Variants in SPOPL observed in about 807,000 individuals in gnomAD.
The protein encoded by SPOPL is speckle type BTB/POZ protein like.
In SPOPL, 23 loss-of-function variants were observed where a neutral mutation model predicts 53.8. The ratio of observed to expected loss-of-function variants is 0.43; its 90% CI spans 0.31 to 0.61. The LOEUF is 0.61. Ranked by LOEUF, SPOPL falls within the 20% of genes least tolerant of loss-of-function variation. The pLI is 0.12. For synonymous variants in SPOPL, 164 were observed against 149.7 expected (o/e 1.10, Z -0.70); for missense variants, 442 against 466.9 (o/e 0.95, Z 0.49).
At chr2:138,525,663 A>AAAAAACC (rs1553468795) in intron 1 of SPOPL, among the ~76,000 whole-genome samples, 7 of 130,482 alleles carry the variant, frequency 5.4e-5, no homozygotes, top group Admixed American at 2.6e-4. Flanking sequence ...GTAGAAAAAA[A>AAAAAACC]AAAAAAAAAA....
intron 1 of SPOPL, among the ~76,000 whole-genome samples, chr2:138,519,773 C>T (rs997318247): frequency 2.6e-5 from 4 of 151,962 alleles, no homozygotes; most frequent in South Asian, 2.1e-4. Context: ...GCCTGAGTGA[C>T]GGAGTGAGAC....
rs1000743792 is a variant in SPOPL at position 138,571,785 on chromosome 2, T to A, written c.*2705T>A. 6.5e-6 allele frequency: 1 copy of A among 152,738 alleles called. No individual in the cohort carries two copies. Among genetic ancestry groups the A allele is most frequent in the Non-Finnish European group, 1.5e-5 (1 of 68,008 alleles). The allele number at this position is 152,738 out of a possible 1,614,324, so 9.5% of individuals were successfully genotyped here. A position where few individuals can be genotyped will look rare whatever the true frequency, so the allele number is the denominator to read the frequency against. ...GTAGTGAATGGTTTCAAATGTTGCA[T>A]ACTATAAGAATAATCATTGGGTAAC... On this transcript the variant is annotated 3_prime_UTR_variant, in exon 11 of 11. Transcript: ENST00000280098.
intron 1 of SPOPL, among the ~76,000 whole-genome samples, chr2:138,533,678 TTA>T (rs1173475939): frequency 6.6e-6 from 1 of 152,138 alleles, no homozygotes; most frequent in African/African-American, 2.4e-5. Flanking sequence ...CTGTTGAACA[TTA>T]TATGTTATAT....
At chr2:138,504,670 A>G (rs1020775356) in intron 1 of SPOPL, among the ~76,000 whole-genome samples, 1 of 152,208 alleles carries the variant, frequency 6.6e-6, no homozygotes. Flanking sequence ...GCTCTGAGGC[A>G]TCTAAGCTAT....
intron 3 of SPOPL, 107 bp downstream of exon 3, chr2:138,550,711 A>T (rs555024502): frequency 6.8e-7 from 1 of 1,473,574 alleles, no homozygotes; most frequent in East Asian, 2.3e-5. Flanking sequence ...ATGTAATTTC[A>T]TATTAGATTG....
At chr2:138,524,834 T>C (rs2104867335) in intron 1 of SPOPL, among the ~76,000 whole-genome samples, 1 of 152,258 alleles carries the variant, frequency 6.6e-6, no homozygotes, top group Middle Eastern at 3.4e-3. Flanking sequence ...TCAACATGTC[T>C]CTAGGGAATT....
At chr2:138,504,248 A>T (rs1684166934) in intron 1 of SPOPL, among the ~76,000 whole-genome samples, 1 of 152,188 alleles carries the variant, frequency 6.6e-6, no homozygotes, top group Non-Finnish European at 1.5e-5. Context: ...CTTGGGGGTG[A>T]CACTGTTTTT....
chr2:138,540,372 C>T (rs976875600), intron 1 of SPOPL, among the ~76,000 whole-genome samples: 1 of 152,142 alleles, frequency 6.6e-6, no homozygotes, highest in Non-Finnish European at 1.5e-5. Flanking sequence ...TTCTTCCTAC[C>T]CATGAGCATG....
chr2:138,535,104 G>A (rs1039837756), intron 1 of SPOPL, among the ~76,000 whole-genome samples: 1 of 152,072 alleles, frequency 6.6e-6, no homozygotes. Flanking sequence ...AAATTACCCA[G>A]GTGTGGGCAG....
intron 1 of SPOPL, among the ~76,000 whole-genome samples, chr2:138,524,674 G>A (rs1057115623): frequency 6.6e-6 from 1 of 152,190 alleles, no homozygotes; most frequent in Non-Finnish European, 1.5e-5. Context: ...CAAATCTCTA[G>A]GGAGGGGCAG....
chr2:138,547,489 A>G (rs1045809269), intron 1 of SPOPL, among the ~76,000 whole-genome samples: 12 of 152,118 alleles, frequency 7.9e-5, no homozygotes, highest in South Asian at 6.2e-4. Context: ...ATTCAGGTTA[A>G]TGTTTTCTTT....
At chr2:138,552,854 G>T (rs879852274) in intron 5 of SPOPL, among the ~76,000 whole-genome samples, 173 bp downstream of exon 5, 9 of 152,034 alleles carry the variant, frequency 5.9e-5, no homozygotes, top group African/African-American at 2.2e-4. Context: ...TCAGTGTAAT[G>T]ACCCAGTCTG....
In SPOPL at chr2:138,569,026, A is replaced by G; in HGVS notation, c.1125A>G (p.Ala375=). 1.2e-6 allele frequency: 2 copies of G among 1,614,044 alleles called. No individual in the cohort carries two copies. The highest frequency in any genetic ancestry group is 1.7e-4 in the Middle Eastern group (1 of 6,012). The stretch of plus-strand genomic sequence containing the variant: ...TAGCAGAAGCCTTTCGAGCACTAGC[A>G]TCTGCACAGTGTCCACAGTTTGGCA... ...HLVAEAFRAL[A]SAQCPQFGIP... Residue 375 remains alanine, a synonymous_variant, in exon 11 of 11, where the codon GCA becomes GCG. Transcript: ENST00000280098.
chr2:138,552,600 T>C lies in SPOPL; in HGVS notation c.399T>C (p.Phe133=). 1 of 1,613,194 alleles carries C rather than the reference T, an allele frequency of 6.2e-7. No individual in the cohort carries two copies. Among genetic ancestry groups the C allele is most frequent in the Non-Finnish European group, 8.5e-7 (1 of 1,179,384 alleles). The part of the protein sequence containing the change: ...YRFVQGKDWG[F]KKFIRRDFLL... ...TTGTGCAAGGGAAGGACTGGGGTTT[T>C]AAAAAATTCATTAGAAGGGACTTTT... Residue 133 remains phenylalanine, a synonymous_variant, in exon 5 of 11, where the codon TTT becomes TTC. Transcript: ENST00000280098.
chr2:138,514,096 C>T (rs1052625734), intron 1 of SPOPL, among the ~76,000 whole-genome samples: 2 of 152,026 alleles, frequency 1.3e-5, no homozygotes, highest in Non-Finnish European at 2.9e-5. Flanking sequence ...CCATAAACCC[C>T]GAATATCTGA....
intron 1 of SPOPL, among the ~76,000 whole-genome samples, chr2:138,544,663 C>A (rs1685152538): frequency 6.6e-6 from 1 of 152,204 alleles, no homozygotes; most frequent in African/African-American, 2.4e-5. Context: ...AAGGGAATTC[C>A]CTGACCCCTT....
chr2:138,509,409 G>A (rs1684281551), intron 1 of SPOPL, among the ~76,000 whole-genome samples: 2 of 151,976 alleles, frequency 1.3e-5, no homozygotes, highest in Non-Finnish European at 1.5e-5. Context: ...TTATTTTATA[G>A]GTATGAGCTG....
In SPOPL at chr2:138,547,859, G is replaced by A. The variant is rs541352952; in HGVS notation, c.-60-2298G>A. 2.6e-5 allele frequency among the ~76,000 whole-genome samples: 4 copies of A among 152,086 alleles called. No homozygotes were observed. In the South Asian group the frequency reaches 6.2e-4, roughly 24 times the overall value. ...ATTTATAAAAGCAATGTCTTGTTAG[G>A]CATACTGTTTGATTTTTTTTAGATA... On this transcript the variant is annotated intron_variant, in intron 1 of 10. Coordinates refer to ENST00000280098, the MANE Select transcript of SPOPL (RefSeq NM_001001664.3).
intron 1 of SPOPL, among the ~76,000 whole-genome samples, chr2:138,539,173 A>G (rs1454509091): frequency 6.6e-6 from 1 of 152,170 alleles, no homozygotes; most frequent in Non-Finnish European, 1.5e-5. Flanking sequence ...GGTTGGTTCC[A>G]AGTCTTTGCT....
Sources: gnomAD v4.1 joint callset for allele counts (sites outside exome capture counted in the v4.1 genomes callset) on GRCh38, gnomAD v4.1.1 for gene constraint, MANE v1.5 for transcripts, NCBI Gene and HGNC (gene_info 2026-07-23, HGNC 2026-07-21) for gene names.